Variants in SMARCA2 observed in about 807,000 individuals in gnomAD.
SMARCA2 encodes the protein SWI/SNF related BAF chromatin remodeling complex subunit ATPase 2.
Under a neutral mutation model 199.8 loss-of-function variants are expected in SMARCA2, and 61 were observed. The observed-to-expected ratio is 0.31, with a 90% CI of 0.25 to 0.38. SMARCA2 has a LOEUF of 0.38. Ranked by LOEUF, SMARCA2 falls within the 10% of genes least tolerant of loss-of-function variation. SMARCA2 has a pLI of 1.00. For synonymous variants in SMARCA2, 935 were observed against 732.0 expected, an observed-to-expected ratio of 1.28 and a Z score of -4.48; for missense variants, 1,344 against 2,012.2, an observed-to-expected ratio of 0.67 and a Z score of 6.35.
intron 14 of SMARCA2, among the ~76,000 whole-genome samples, chr9:2,081,449 T>C (rs1389318451): frequency 3.3e-5 from 5 of 152,252 alleles, no homozygotes; most frequent in African/African-American, 1.2e-4. Context: ...CTGTTTTTAA[T>C]AATCTGTGAT....
chr9:2,049,581 G>C (rs553278321), intron 5 of SMARCA2, among the ~76,000 whole-genome samples: 4 of 152,330 alleles, frequency 2.6e-5, no homozygotes, highest in African/African-American at 9.6e-5. Flanking sequence ...CCTGAATCCA[G>C]AAAGGTCATG....
chr9:2,158,815 A>G, intron 27 of SMARCA2: 3 of 770,662 alleles, frequency 3.9e-6, no homozygotes, highest in Admixed American at 3.4e-5. Flanking sequence ...TGCGAAAAGC[A>G]TTGGGAAGTG....
intron 1 of SMARCA2, among the ~76,000 whole-genome samples, chr9:2,020,035 A>G (rs1332347775): frequency 6.6e-6 from 1 of 152,154 alleles, no homozygotes; most frequent in Non-Finnish European, 1.5e-5. Context: ...ACCTGATTTA[A>G]CCACTTTAAG....
intron 26 of SMARCA2, among the ~76,000 whole-genome samples, chr9:2,121,181 G>A (rs141282587): frequency 6.6e-6 from 1 of 152,300 alleles, no homozygotes; most frequent in Non-Finnish European, 1.5e-5. Context: ...GGGGGTGAGT[G>A]TACTTTCCTG....
intron 27 of SMARCA2, among the ~76,000 whole-genome samples, chr9:2,151,444 G>T (rs1257734877): frequency 6.6e-6 from 1 of 151,390 alleles, no homozygotes; most frequent in East Asian, 1.9e-4. Flanking sequence ...GTACGAACCA[G>T]ATTGAGGCTG....
chr9:2,074,349 A>G (rs1724577062), intron 12 of SMARCA2, among the ~76,000 whole-genome samples: 1 of 152,168 alleles, frequency 6.6e-6, no homozygotes, highest in African/African-American at 2.4e-5. Context: ...AGCATTGTTA[A>G]TATATTGTCA....
intron 29 of SMARCA2, among the ~76,000 whole-genome samples, chr9:2,174,407 A>G (rs986317175): frequency 2.8e-4 from 42 of 152,338 alleles, no homozygotes; most frequent in African/African-American, 9.6e-4. Context: ...TCACTCCTTT[A>G]GAATCACACC....
chr9:2,167,357 T>C (rs1447940977), intron 28 of SMARCA2, among the ~76,000 whole-genome samples: 1 of 152,250 alleles, frequency 6.6e-6, no homozygotes, highest in Non-Finnish European at 1.5e-5. Flanking sequence ...TAGGGTGTCA[T>C]CACCTCCTCC....
At chr9:2,143,965 A>T (rs1391571272) in intron 27 of SMARCA2, among the ~76,000 whole-genome samples, 2 of 152,184 alleles carry the variant, frequency 1.3e-5, no homozygotes, top group African/African-American at 2.4e-5. Context: ...AAAGACATAC[A>T]AAATGTTAAC....
At chr9:2,116,148 C>T (rs548146767) in intron 25 of SMARCA2, 99 bp downstream of exon 25, 42 of 868,706 alleles carry the variant, frequency 4.8e-5, no homozygotes, top group African/African-American at 4.2e-4. Context: ...CCTGGGCTGG[C>T]GTTAATGAAA....
chr9:2,053,569 A>C (rs376282294), intron 5 of SMARCA2, among the ~76,000 whole-genome samples: 5 of 152,208 alleles, frequency 3.3e-5, no homozygotes, highest in African/African-American at 1.2e-4. Context: ...CTGTGTGTGT[A>C]AGAGAGAGAC....
Position 2,123,285 on chromosome 9 carries a change from A to G in SMARCA2, c.3763-434A>G, listed in dbSNP as rs1823545134. 6.6e-6 allele frequency among the ~76,000 whole-genome samples: 1 copy of G among 151,892 alleles called. No individual in the cohort carries two copies. On this transcript the variant is annotated intron_variant, in intron 26 of 33. Coordinates refer to ENST00000349721, the MANE Select transcript of SMARCA2 (RefSeq NM_003070.5). The surrounding 1 kb of genome is among the most constrained non-coding windows in gnomAD (Gnocchi z 4.1). ...TTGTTTAGTTCAAAGCACAAGCCCT[A>G]TTGAATAAAAGGAAACTTTCTTAAA...
At chr9:2,061,048 C>A in intron 9 of SMARCA2, 62 bp downstream of exon 9, 1 of 1,476,866 alleles carries the variant, frequency 6.8e-7, no homozygotes, top group South Asian at 1.2e-5. Context: ...GTTTTTAAGG[C>A]GAGTATTGCT....
chr9:2,057,376 C>A (rs1055463761), intron 7 of SMARCA2, among the ~76,000 whole-genome samples: 8 of 152,150 alleles, frequency 5.3e-5, no homozygotes, highest in African/African-American at 1.9e-4. Flanking sequence ...CCCGAAGACC[C>A]CACCTCCTAA....
chr9:2,168,349 A>C (rs1341693335), intron 28 of SMARCA2, among the ~76,000 whole-genome samples: 1 of 152,192 alleles, frequency 6.6e-6, no homozygotes, highest in Non-Finnish European at 1.5e-5. Flanking sequence ...CAGCTTTCCA[A>C]GAATTTGGTA....
rs1822646408 is a variant in SMARCA2, at chr9:2,104,014, A to T, written c.3137A>T (p.Tyr1046Phe). 3 of 1,613,912 alleles carry T rather than the reference A, an allele frequency of 1.9e-6. No homozygotes were observed. The highest frequency in any genetic ancestry group is 1.1e-5 in the South Asian group (1 of 91,086). ...TTTTTTGGGTTCAGGGCTGAACTGT[A>T]TCGGGCCTCAGGGAAGTTTGAGCTG... ...SNGVINGAEL[Y>F]RASGKFELLD... Residue 1046 changes from tyrosine to phenylalanine, a missense_variant, in exon 23 of 34, where the codon TAT (tyrosine) becomes TTT (phenylalanine). By Grantham distance (22) the Tyr-to-Phe change is conservative. Coordinates refer to ENST00000349721, the MANE Select transcript of SMARCA2 (RefSeq NM_003070.5). The surrounding 1 kb of genome is among the most constrained non-coding windows in gnomAD (Gnocchi z 4.0).
chr9:2,047,492 AC>A lies in SMARCA2; in HGVS notation c.1046+12del. On this transcript the variant is annotated intron_variant, in intron 5 of 33. Coordinates refer to ENST00000349721, the MANE Select transcript of SMARCA2 (RefSeq NM_003070.5). ...GCAAGAGCGGGAATACAGGTAACGC[AC>A]CCCGCCAGCAAGGGGCCCCCTGCGG... is the stretch of plus-strand genomic sequence containing the variant. The A allele has an allele frequency of 7.1e-7, 1 of 1,411,010 alleles. No homozygotes were observed. The highest frequency in any genetic ancestry group is 9.3e-7 in the Non-Finnish European group (1 of 1,071,608). 87.4% of individuals were successfully genotyped at this position (1,411,010 alleles called of 1,614,324 possible). A position where few individuals can be genotyped will look rare whatever the true frequency, so the allele number is the denominator to read the frequency against.
At chr9:2,138,901 G>A (rs370055994) in intron 27 of SMARCA2, among the ~76,000 whole-genome samples, 20 of 152,102 alleles carry the variant, frequency 1.3e-4, no homozygotes, top group East Asian at 5.8e-4. Flanking sequence ...GAGGGGTGTG[G>A]GTGAGAGATT....
intron 29 of SMARCA2, among the ~76,000 whole-genome samples, chr9:2,174,859 A>G (rs1217769410): frequency 6.9e-6 from 1 of 145,660 alleles, no homozygotes; most frequent in African/African-American, 2.6e-5. Context: ...GGTCGAGGCT[A>G]CAGTGCAGTG....
Sources: gnomAD v4.1 joint callset for allele counts (sites outside exome capture counted in the v4.1 genomes callset) on GRCh38, gnomAD v4.1.1 for gene constraint, Gnocchi (gnomAD v3.1) non-coding constraint, MANE v1.5 for transcripts, NCBI Gene and HGNC (gene_info 2026-07-23, HGNC 2026-07-21) for gene names.